Variants in SYNE1 observed in about 807,000 individuals in gnomAD.
The protein encoded by SYNE1 is nesprin-1.
SYNE1 carries 616 observed loss-of-function variants against 1,111.0 expected under a neutral mutation model. That is an observed-to-expected ratio of 0.55 (90% CI 0.52 to 0.59). The LOEUF (loss-of-function observed/expected upper bound fraction) is 0.59, where lower values mean the gene tolerates loss of function less well. Among genes scored for constraint, SYNE1 ranks in the 20% least tolerant of loss-of-function variants. The pLI is 0.00. For synonymous variants in SYNE1, 3,855 were observed against 3,825.8 expected (o/e 1.01, Z -0.28); for missense variants, 10,006 against 10,417.0 (o/e 0.96, Z 1.72).
chr6:152,313,566 G>A (rs1203657444), intron 87 of SYNE1, among the ~76,000 whole-genome samples: 4 of 151,200 alleles, frequency 2.6e-5, no homozygotes, highest in African/African-American at 7.3e-5. Flanking sequence ...AGGTTCAAGC[G>A]ATTCTCCTGC....
At chr6:152,381,460 A>T (rs2097414039) in intron 55 of SYNE1, 98 bp from the exon 56 acceptor site, 1 of 1,189,106 alleles carries the variant, frequency 8.4e-7, no homozygotes, top group Admixed American at 1.7e-5. Flanking sequence ...CCTGCCAGGA[A>T]GTTTTAACAA....
intron 33 of SYNE1, chr6:152,435,326 C>G (rs1287267336): frequency 6.6e-6 from 1 of 151,098 alleles, no homozygotes; most frequent in Non-Finnish European, 1.5e-5. Flanking sequence ...TTTTTCCCCT[C>G]CAAACTTTTT....
chr6:152,153,125 T>A (rs2060743236), intron 133 of SYNE1, among the ~76,000 whole-genome samples: 1 of 152,228 alleles, frequency 6.6e-6, no homozygotes, highest in Admixed American at 6.5e-5. Context: ...ATCACACTGT[T>A]TACATGTGAC....
At chr6:152,143,798 C>A (rs2058954936) in intron 137 of SYNE1, 33 bp from the exon 138 acceptor site, 1 of 1,613,908 alleles carries the variant, frequency 6.2e-7, no homozygotes, top group Admixed American at 1.7e-5. Flanking sequence ...CTTTACTGGA[C>A]AAACTATTTG....
intron 39 of SYNE1, among the ~76,000 whole-genome samples, chr6:152,424,416 GC>G (rs1478546795): frequency 6.6e-6 from 1 of 152,182 alleles, no homozygotes; most frequent in Non-Finnish European, 1.5e-5. Flanking sequence ...GGCAGCTACT[GC>G]TTTGTTTTAC....
At chr6:152,278,585 C>T (rs908767379) in intron 97 of SYNE1, among the ~76,000 whole-genome samples, 4 of 152,066 alleles carry the variant, frequency 2.6e-5, no homozygotes, top group African/African-American at 9.7e-5. Flanking sequence ...GCCTCAGCCT[C>T]CCGAGCAGCT....
intron 29 of SYNE1, among the ~76,000 whole-genome samples, chr6:152,446,503 TA>T (rs1263074648): frequency 6.6e-6 from 1 of 152,130 alleles, no homozygotes; most frequent in Non-Finnish European, 1.5e-5. Flanking sequence ...CAAGCAGATT[TA>T]AATGGATTAA....
At chr6:152,631,030 A>G (rs1445949609) in intron 2 of SYNE1, among the ~76,000 whole-genome samples, 1 of 152,228 alleles carries the variant, frequency 6.6e-6, no homozygotes, top group Non-Finnish European at 1.5e-5. Flanking sequence ...ACTAAGGTGG[A>G]TATGACACAG....
chr6:152,271,697 G>A (rs1019847892), intron 98 of SYNE1, among the ~76,000 whole-genome samples: 5 of 152,164 alleles, frequency 3.3e-5, no homozygotes, highest in Non-Finnish European at 7.3e-5. Context: ...AAAGATCCTG[G>A]TTCTTCCAAG....
intron 56 of SYNE1, among the ~76,000 whole-genome samples, chr6:152,380,137 T>C (rs982576609): frequency 4.6e-5 from 7 of 152,226 alleles, no homozygotes; most frequent in Non-Finnish European, 1.0e-4. Context: ...AGCTTTATTT[T>C]ATGGCATGCT....
chr6:152,184,533 T>G (rs1399224172), intron 128 of SYNE1, among the ~76,000 whole-genome samples: 2 of 152,010 alleles, frequency 1.3e-5, no homozygotes, highest in African/African-American at 4.8e-5. Context: ...AGTACTATTA[T>G]ACATGACTAC....
In SYNE1 at chr6:152,353,885, T is replaced by A. The variant is rs569519669; in HGVS notation, c.10927-141A>T. ...GATTTAATTTTGAAAATGCCATATG[T>A]TATCTTCATAAATATTATATTACAA... On this transcript the variant is annotated intron_variant, in intron 67 of 145. Coordinates refer to ENST00000367255, the MANE Select transcript of SYNE1 (RefSeq NM_182961.4). 2.0e-5 allele frequency: 20 copies of A among 1,023,962 alleles called. No homozygotes were observed. The African/African-American group carries it at 2.9e-4, about 15-fold the overall frequency. 63.4% of individuals were successfully genotyped at this position (1,023,962 alleles called of 1,614,324 possible).
Position 152,331,475 on chromosome 6 carries a change from G to A in SYNE1, c.13210C>T (p.Leu4404Phe). ...ATGACCCTGTCTGCGTCCTTTATAA[G>A]CGATTTCAGGAGCATCTGCTTGGCC... ...LEAKQMLLKS[L>F]IKDADRVMAD... Residue 4404 changes from leucine (L) to phenylalanine (F), a missense_variant, in exon 78 of 146, where the codon CTT (leucine) becomes TTT (phenylalanine). By Grantham distance (22) the Leu-to-Phe change is conservative. This residue lies in a region of SYNE1 where 4,955 missense variants were observed against 5,017.2 expected (regional missense o/e 0.99). Coordinates refer to ENST00000367255, the MANE Select transcript of SYNE1 (RefSeq NM_182961.4). 6.2e-7 allele frequency: 1 copy of A among 1,614,072 alleles called. No individual in the cohort carries two copies. The highest frequency in any genetic ancestry group is 8.5e-7 in the Non-Finnish European group (1 of 1,180,004).
intron 66 of SYNE1, among the ~76,000 whole-genome samples, chr6:152,357,866 C>T (rs2096864293): frequency 6.6e-6 from 1 of 152,144 alleles, no homozygotes; most frequent in African/African-American, 2.4e-5. Flanking sequence ...TTATGGCCCG[C>T]TGGCCTGGGC....
chr6:152,244,517 C>G lies in SYNE1; in HGVS notation c.19692+20G>C, dbSNP rs140078199. The G allele has an allele frequency of 8.3e-5, 134 of 1,613,878 alleles. No individual in the cohort carries two copies. The East Asian group carries it at 2.8e-3, about 34-fold the overall frequency. On this transcript the variant is annotated intron_variant, in intron 106 of 145. Coordinates refer to ENST00000367255, the MANE Select transcript of SYNE1 (RefSeq NM_182961.4). ...TTTGATGTACCCCTGCAGCTGAATA[C>G]TACTGGCTGAAGGCTGCACCTGGAG... is the stretch of plus-strand genomic sequence containing the variant.
intron 64 of SYNE1, among the ~76,000 whole-genome samples, chr6:152,361,752 A>T (rs1452143485): frequency 1.3e-5 from 2 of 152,010 alleles, no homozygotes; most frequent in Admixed American, 6.6e-5. Context: ...AGAACATGCC[A>T]TTATTTATTT....
intron 66 of SYNE1, among the ~76,000 whole-genome samples, chr6:152,357,539 C>T (rs1301910997): frequency 1.3e-5 from 2 of 151,974 alleles, no homozygotes; most frequent in African/African-American, 4.8e-5. Context: ...ACATGGTGGC[C>T]CCTTCTTGGT....
chr6:152,351,633 G>A (rs1211639371), intron 70 of SYNE1, among the ~76,000 whole-genome samples: 2 of 152,038 alleles, frequency 1.3e-5, no homozygotes, highest in Non-Finnish European at 2.9e-5. Flanking sequence ...ATTTACCATA[G>A]GTCAGTTTCT....
At chr6:152,171,149 G>T (rs2065108343) in intron 130 of SYNE1, among the ~76,000 whole-genome samples, 1 of 152,180 alleles carries the variant, frequency 6.6e-6, no homozygotes, top group African/African-American at 2.4e-5. Context: ...CATGAAAATG[G>T]ACTAATACAG....
Sources: allele counts gnomAD v4.1 joint callset (sites outside exome capture counted in the v4.1 genomes callset), GRCh38; gene constraint gnomAD v4.1.1; regional missense constraint gnomAD v4.1.1; transcripts MANE v1.5; gene names NCBI Gene and HGNC (gene_info 2026-07-23, HGNC 2026-07-21).